The following GALNTL6 variants were observed in gnomAD, a reference collection of about 807,000 sequenced individuals.
GALNTL6 encodes the protein polypeptide N-acetylgalactosaminyltransferase-like 6.
A neutral mutation model predicts 73.7 loss-of-function variants in GALNTL6; 46 were observed. The observed-to-expected ratio is 0.62, with a 90% CI of 0.49 to 0.80. The LOEUF is 0.80. GALNTL6 is among the 30% of genes least tolerant of loss of function. The pLI is 0.00. For synonymous variants in GALNTL6, 259 were observed against 263.7 expected, an observed-to-expected ratio of 0.98 and a Z score of 0.17; for missense variants, 604 against 755.0, an observed-to-expected ratio of 0.80 and a Z score of 2.34.
chr4:172,799,077 A>G (rs1308448898), intron 5 of GALNTL6, among the ~76,000 whole-genome samples: 1 of 152,178 alleles, frequency 6.6e-6, no homozygotes, highest in African/African-American at 2.4e-5. Flanking sequence ...ATTAAGTTGA[A>G]TGTTATTCAG....
intron 2 of GALNTL6, among the ~76,000 whole-genome samples, chr4:171,878,311 G>C (rs909493845): frequency 3.9e-5 from 6 of 152,166 alleles, no homozygotes; most frequent in Non-Finnish European, 5.9e-5. Flanking sequence ...TTATAGACTT[G>C]TGTAATGAGG....
chr4:172,291,253 A>G (rs1310843894), intron 3 of GALNTL6, among the ~76,000 whole-genome samples: 1 of 152,074 alleles, frequency 6.6e-6, no homozygotes, highest in African/African-American at 2.4e-5. Flanking sequence ...AAGTCTAACA[A>G]TAATCCCAAA....
At chr4:171,841,039 C>A (rs749176146) in intron 2 of GALNTL6, among the ~76,000 whole-genome samples, 1 of 152,154 alleles carries the variant, frequency 6.6e-6, no homozygotes. Flanking sequence ...GTTTCTAGAA[C>A]CTCCGGTACT....
At chr4:171,933,869 T>C (rs943438880) in intron 2 of GALNTL6, among the ~76,000 whole-genome samples, 13 of 152,090 alleles carry the variant, frequency 8.5e-5, no homozygotes, top group African/African-American at 3.1e-4. Flanking sequence ...ATTTAGAAAA[T>C]TCAGTTAATA....
At chr4:171,968,890 G>A (rs1451899462) in intron 2 of GALNTL6, among the ~76,000 whole-genome samples, 2 of 151,834 alleles carry the variant, frequency 1.3e-5, no homozygotes, top group Non-Finnish European at 2.9e-5. Flanking sequence ...AGGCTGGAGT[G>A]CAATAGTGTG....
chr4:172,837,799 T>G (rs1216589053), intron 7 of GALNTL6, among the ~76,000 whole-genome samples: 1 of 152,250 alleles, frequency 6.6e-6, no homozygotes, highest in Admixed American at 6.5e-5. Flanking sequence ...GACAATTCAC[T>G]GATTGAATAA....
intron 5 of GALNTL6, among the ~76,000 whole-genome samples, chr4:172,752,298 T>C (rs1363280018): frequency 3.3e-5 from 5 of 152,064 alleles, no homozygotes; most frequent in African/African-American, 9.7e-5. Context: ...TTATTATAAA[T>C]GTAATATAAC....
intron 5 of GALNTL6, chr4:172,380,378 A>T (rs1743235641): frequency 8.9e-6 from 6 of 672,660 alleles, no homozygotes; most frequent in South Asian, 5.5e-5. Flanking sequence ...GGCAATGACC[A>T]CATGAAAATA....
chr4:172,897,195 T>C (rs1025196479), intron 8 of GALNTL6, among the ~76,000 whole-genome samples: 5 of 152,152 alleles, frequency 3.3e-5, no homozygotes, highest in Admixed American at 6.5e-5. Context: ...CCTGGTCTCA[T>C]TGGCTAAGAG....
At chr4:171,900,974 G>A (rs6853844) in intron 2 of GALNTL6, among the ~76,000 whole-genome samples, 3,039 of 152,226 alleles carry the variant, frequency 0.02, 88 homozygotes, top group African/African-American at 0.069. Context: ...CTATGGAGCA[G>A]GATTTCAGAG....
chr4:172,054,404 AAATTGATGGAATGGCTTATAAACAAC>A (rs1167293914), intron 2 of GALNTL6, among the ~76,000 whole-genome samples: 7 of 152,180 alleles, frequency 4.6e-5, no homozygotes, highest in Admixed American at 3.9e-4. Context: ...TGCTATAATG[AAATTGATGGAATGGCTTATAAACAAC>A]AATTGATGGA....
intron 7 of GALNTL6, among the ~76,000 whole-genome samples, chr4:172,846,839 T>C (rs146368019): frequency 6.6e-6 from 1 of 152,362 alleles, no homozygotes; most frequent in African/African-American, 2.4e-5. Context: ...AATATAATTC[T>C]GACTACATGA....
intron 2 of GALNTL6, among the ~76,000 whole-genome samples, chr4:171,897,876 G>A (rs1310721489): frequency 1.3e-5 from 2 of 149,780 alleles, no homozygotes; most frequent in African/African-American, 2.4e-5. Context: ...GTAGTGAGCC[G>A]AGATCGTGCC....
At chr4:171,825,877 AT>A in intron 2 of GALNTL6, among the ~76,000 whole-genome samples, 1 of 152,270 alleles carries the variant, frequency 6.6e-6, no homozygotes, top group South Asian at 2.1e-4. Context: ...GTTTCCAACT[AT>A]TAGAATGTGT....
intron 5 of GALNTL6, among the ~76,000 whole-genome samples, chr4:172,393,835 G>A (rs984049564): frequency 4.6e-5 from 7 of 152,024 alleles, no homozygotes; most frequent in Admixed American, 2.0e-4. Context: ...GGTTTCTGCT[G>A]AGAATTCAAA....
intron 2 of GALNTL6, among the ~76,000 whole-genome samples, chr4:172,169,889 G>C (rs950149257): frequency 1.1e-4 from 16 of 152,222 alleles, no homozygotes; most frequent in African/African-American, 3.1e-4. Flanking sequence ...TAAGGAGTCT[G>C]AGGAACAGCT....
chr4:172,661,967 C>T (rs1001178729), intron 5 of GALNTL6, among the ~76,000 whole-genome samples: 2 of 152,102 alleles, frequency 1.3e-5, no homozygotes, highest in African/African-American at 4.8e-5. Context: ...AAGAAGGATG[C>T]CTGTACTTAA....
intron 4 of GALNTL6, among the ~76,000 whole-genome samples, chr4:172,322,403 C>A (rs1740792678): frequency 6.6e-6 from 1 of 152,084 alleles, no homozygotes; most frequent in South Asian, 2.1e-4. Context: ...AAATTCACCA[C>A]CTATAACACC....
intron 5 of GALNTL6, among the ~76,000 whole-genome samples, chr4:172,418,722 G>A (rs187968254): frequency 6.6e-6 from 1 of 152,300 alleles, no homozygotes; most frequent in Admixed American, 6.5e-5. Context: ...ATTCTTGCAT[G>A]TTTTCATTAT....
Sources: allele counts gnomAD v4.1 joint callset (sites outside exome capture counted in the v4.1 genomes callset), GRCh38; gene constraint gnomAD v4.1.1; transcripts MANE v1.5; gene names NCBI Gene and HGNC (gene_info 2026-07-23, HGNC 2026-07-21).